WDR47: variants seen among roughly 807,000 people sequenced by gnomAD.
WDR47 encodes WD repeat-containing protein 47.
In WDR47, 32 loss-of-function variants were observed where a neutral mutation model predicts 97.2. The ratio of observed to expected loss-of-function variants is 0.33; its 90% confidence interval spans 0.25 to 0.44. The LOEUF is 0.44. WDR47 is among the 20% of genes least tolerant of loss of function. WDR47 has a pLI of 1.00. For synonymous variants in WDR47, 375 were observed against 373.5 expected (o/e 1.00, Z -0.05); for missense variants, 782 against 1,102.3 (o/e 0.71, Z 4.11).
At chr1:109,036,871 C>T (rs963018972) in intron 1 of WDR47, among the ~76,000 whole-genome samples, 12 of 152,222 alleles carry the variant, frequency 7.9e-5, no homozygotes, top group Admixed American at 3.3e-4. Flanking sequence ...AAGCACAACA[C>T]TCCAGGTGTG....
intron 1 of WDR47, among the ~76,000 whole-genome samples, chr1:109,029,044 G>A (rs1054299356): frequency 2.6e-5 from 4 of 152,096 alleles, no homozygotes; most frequent in African/African-American, 9.7e-5. Context: ...CTGGAAACCA[G>A]CTAGAAGGTA....
chr1:109,033,128 T>C (rs926633575), intron 1 of WDR47, among the ~76,000 whole-genome samples: 3 of 151,766 alleles, frequency 2.0e-5, no homozygotes, highest in Non-Finnish European at 2.9e-5. Flanking sequence ...ACCCCGTCTC[T>C]ACTAAAAATA....
At chr1:108,982,924 C>A in intron 11 of WDR47, 145 bp from the exon 12 acceptor site, 1 of 947,278 alleles carries the variant, frequency 1.1e-6, no homozygotes, top group East Asian at 2.7e-5. Flanking sequence ...GTATTATAAG[C>A]AGTTTCACTT....
chr1:108,974,655 C>A lies in WDR47; in HGVS notation c.2498G>T (p.Arg833Ile). Residue 833 changes from arginine to isoleucine, a missense_variant, in exon 14 of 15, where the codon AGA (arginine) becomes ATA (isoleucine). By Grantham distance (97) the Arg-to-Ile change is moderately conservative (BLOSUM62 -3). Coordinates refer to ENST00000369962, the MANE Select transcript of WDR47 (RefSeq NM_001142551.2). ...ATGAGGATGATAACTTTGTACCATTCTTCCTCCTCTTATGTCATACAACAT... is the reference window on the plus strand; with the variant it reads ...ATGAGGATGATAACTTTGTACCATTATTCCTCCTCTTATGTCATACAACAT... ...SCMLYDIRGG[R>I]MVQSYHPHSS... is the part of the protein sequence containing the mutation. 1 of 1,614,142 alleles carries A rather than the reference C, an allele frequency of 6.2e-7. No homozygotes were observed. Among genetic ancestry groups the A allele is most frequent in the Non-Finnish European group, 8.5e-7 (1 of 1,180,010 alleles).
chr1:109,002,126 C>T, intron 7 of WDR47, 98 bp downstream of exon 7: 1 of 1,349,352 alleles, frequency 7.4e-7, no homozygotes, highest in East Asian at 2.4e-5. Flanking sequence ...CGTAAAAAGC[C>T]TTAAAATGTC....
chr1:109,023,399 A>G lies in WDR47; in HGVS notation c.114T>C (p.Ser38=). ...CTGAAAACAGGCCATTTATGACTCC[A>G]CTTTCCTTCTCCAGGGCCAGCATAC... ...HISMLALEKE[S]GVINGLFSDD... is the part of the protein sequence containing the mutation. Residue 38 remains serine, a synonymous_variant, in exon 2 of 15, where the codon AGT becomes AGC. Coordinates refer to ENST00000369962, the MANE Select transcript of WDR47 (RefSeq NM_001142551.2). 1 of 1,613,858 alleles carries G rather than the reference A, an allele frequency of 6.2e-7. No individual in the cohort carries two copies. The highest frequency in any genetic ancestry group is 2.2e-5 in the East Asian group (1 of 44,802).
intron 5 of WDR47, among the ~76,000 whole-genome samples, chr1:109,004,952 G>A (rs901825526): frequency 7.2e-5 from 11 of 151,926 alleles, no homozygotes; most frequent in Non-Finnish European, 1.3e-4. Flanking sequence ...CACCACACCC[G>A]CCTAATTTTT....
At chr1:108,982,506 A>G in intron 12 of WDR47, 103 bp downstream of exon 12, 1 of 1,376,218 alleles carries the variant, frequency 7.3e-7, no homozygotes, top group South Asian at 1.5e-5. Context: ...CACTCTGGAC[A>G]GTAAGAGCAA....
At position 108,971,609 on chromosome 1, in the gene WDR47, A is replaced by G. The variant is rs546602689; in HGVS notation, c.2618-37T>C. ...AAGAGATGTTGATTTACAATGCAAA[A>G]TAAGTATATGTATAGATTGTATAGA... On this transcript the variant is annotated intron_variant, in intron 14 of 14. Transcript: ENST00000369962. 352 of 1,612,288 alleles carry G rather than the reference A, an allele frequency of 2.2e-4. 2 individuals carry two copies. In the South Asian group the frequency reaches 2.2e-3, roughly 10 times the overall value.
At chr1:108,997,326 C>T (rs1659826834) in intron 7 of WDR47, among the ~76,000 whole-genome samples, 1 of 150,916 alleles carries the variant, frequency 6.6e-6, no homozygotes. Flanking sequence ...GCCTATGGTC[C>T]TAGCTACTTG....
Position 109,004,630 on chromosome 1 carries a change from C to T in WDR47, c.1216G>A (p.Ala406Thr). Residue 406 changes from alanine (A) to threonine (T), a missense_variant, in exon 6 of 15, where the codon GCA becomes ACA. This residue lies in a region of WDR47 where 428 missense variants were observed against 584.3 expected (regional missense o/e 0.73). Transcript: ENST00000369962. ...SVSEKEPANG[A>T]QNPGPAKQEK... Reference sequence around the variant, plus strand: ...TGTTTAGCTGGTCCTGGATTCTGTGCTCCATTTGCAGGCTCTTTTTCTGAA... The same window carrying T: ...TGTTTAGCTGGTCCTGGATTCTGTGTTCCATTTGCAGGCTCTTTTTCTGAA... The T allele has an allele frequency of 6.2e-7, 1 of 1,613,642 alleles. No individual in the cohort carries two copies. Among genetic ancestry groups the T allele is most frequent in the East Asian group, 2.2e-5 (1 of 44,830 alleles).
chr1:109,014,163 A>T (rs974537587), intron 3 of WDR47, among the ~76,000 whole-genome samples: 1 of 152,198 alleles, frequency 6.6e-6, no homozygotes, highest in Non-Finnish European at 1.5e-5. Context: ...GGAAGATATC[A>T]AATGTTACCT....
intron 8 of WDR47, 109 bp downstream of exon 8, chr1:108,995,471 G>T: frequency 3.1e-6 from 4 of 1,310,386 alleles, no homozygotes; most frequent in Non-Finnish European, 4.2e-6. Context: ...AAAATTGGTA[G>T]GCAGTAAGCT....
At chr1:109,022,021 T>C (rs1661885487) in intron 2 of WDR47, among the ~76,000 whole-genome samples, 1 of 151,980 alleles carries the variant, frequency 6.6e-6, no homozygotes, top group African/African-American at 2.4e-5. Flanking sequence ...CTAATTTTTG[T>C]ATTTTTAGTA....
chr1:109,038,254 C>T (rs377375536), intron 1 of WDR47, among the ~76,000 whole-genome samples: 5 of 152,308 alleles, frequency 3.3e-5, no homozygotes, highest in African/African-American at 1.2e-4. Flanking sequence ...CCCTTCAGAG[C>T]TCCTAGCCTT....
At chr1:109,021,166 A>G (rs1415398543) in intron 2 of WDR47, among the ~76,000 whole-genome samples, 1 of 152,192 alleles carries the variant, frequency 6.6e-6, no homozygotes, top group African/African-American at 2.4e-5. Context: ...TTTGGCAAAC[A>G]TGTTACTTCA....
In WDR47 at chr1:108,971,364, A is replaced by T. The variant is rs746857057; in HGVS notation, c.*66T>A. 10 of 1,593,544 alleles carry T rather than the reference A, an allele frequency of 6.3e-6. No individual in the cohort carries two copies. The highest frequency in any genetic ancestry group is 8.6e-6 in the Non-Finnish European group (10 of 1,167,396). On this transcript the variant is annotated 3_prime_UTR_variant, in exon 15 of 15. Transcript: ENST00000369962. ...TGGACACTATGTTCTTCAGATTTGT[A>T]ATTTTCACAACTCAGTAGTCTTAAG...
intron 1 of WDR47, among the ~76,000 whole-genome samples, chr1:109,032,505 CAAA>C (rs35413882): frequency 2.4e-5 from 2 of 84,996 alleles, no homozygotes; most frequent in Non-Finnish European, 2.4e-5. Flanking sequence ...GAGACTGTCT[CAAA>C]AAAAAAAAAA....
intron 1 of WDR47, among the ~76,000 whole-genome samples, chr1:109,026,623 G>T (rs1043671847): frequency 2.6e-5 from 4 of 152,016 alleles, no homozygotes; most frequent in African/African-American, 9.7e-5. Flanking sequence ...TCCTCTGTAG[G>T]TTCTTAGAGG....
Sources: gnomAD v4.1 joint callset for allele counts (sites outside exome capture counted in the v4.1 genomes callset) on GRCh38, gnomAD v4.1.1 for gene constraint, gnomAD v4.1.1 regional missense constraint, MANE v1.5 for transcripts, NCBI Gene and HGNC (gene_info 2026-07-23, HGNC 2026-07-21) for gene names.